TEX9: variants seen among roughly 807,000 people sequenced by gnomAD.
The protein encoded by TEX9 is testis-expressed protein 9.
TEX9 carries 74 observed loss-of-function variants against 59.6 expected under a neutral mutation model. The observed-to-expected ratio is 1.24, with a 90% CI of 1.03 to 1.51. TEX9 has a LOEUF of 1.51. TEX9 is among the 40% of genes most tolerant of loss of function. TEX9 has a pLI of 0.00. For synonymous variants in TEX9, 186 were observed against 152.2 expected (o/e 1.22, Z -1.64); for missense variants, 522 against 447.8 (o/e 1.17, Z -1.49).
chr15:56,283,759 TC>T (rs2044875241), intron 1 of TEX9, among the ~76,000 whole-genome samples: 1 of 151,880 alleles, frequency 6.6e-6, no homozygotes, highest in Non-Finnish European at 1.5e-5. Flanking sequence ...TACCCCCCCT[TC>T]AAAAAACCAT....
chr15:56,385,983 A>G (rs1233886688), intron 4 of TEX9, among the ~76,000 whole-genome samples: 1 of 152,094 alleles, frequency 6.6e-6, no homozygotes, highest in Non-Finnish European at 1.5e-5. Context: ...ATATCCACGA[A>G]AAAACCTGCA....
chr15:56,412,692 T>A (rs2049420117), intron 10 of TEX9, among the ~76,000 whole-genome samples: 2 of 152,156 alleles, frequency 1.3e-5, no homozygotes, highest in Admixed American at 6.6e-5. Flanking sequence ...GGTGCCCATA[T>A]TATATGTCAG....
intron 1 of TEX9, among the ~76,000 whole-genome samples, chr15:56,268,677 A>T (rs1472893496): frequency 6.7e-6 from 1 of 149,466 alleles, no homozygotes; most frequent in Admixed American, 6.7e-5. Flanking sequence ...GATGAAGCCA[A>T]CTTGATCTCG....
At position 56,247,612 on chromosome 15, in the gene TEX9, G is replaced by A. The variant is rs539274231; in HGVS notation, c.-107+3334G>A. Among the ~76,000 whole-genome samples, 8 of 152,240 alleles carry A rather than the reference G, an allele frequency of 5.3e-5. No homozygotes were observed. The South Asian group carries it at 6.2e-4, about 12-fold the overall frequency. ...GATCAGATCCTAAAGTAGTATAGGC[G>A]AGGGAAAAGAAGGAGAGAGAGACAA... On this transcript the variant is annotated intron_variant, in intron 1 of 5. Transcript: ENST00000560827.
chr15:56,431,766 A>T (rs1030909257), intron 12 of TEX9, among the ~76,000 whole-genome samples: 1 of 152,068 alleles, frequency 6.6e-6, no homozygotes, highest in Admixed American at 6.6e-5. Flanking sequence ...CAAGGGAAAA[A>T]ATATTCAAAG....
intron 1 of TEX9, among the ~76,000 whole-genome samples, chr15:56,304,412 A>G (rs1393258084): frequency 2.6e-5 from 4 of 152,164 alleles, no homozygotes. Context: ...TTGTTGAGGT[A>G]TCTTCATTCT....
intron 9 of TEX9, among the ~76,000 whole-genome samples, chr15:56,410,452 G>T (rs573045774): frequency 6.6e-6 from 1 of 150,986 alleles, no homozygotes; most frequent in East Asian, 1.9e-4. Context: ...TGTTAAATTT[G>T]ATTTTCTTAG....
chr15:56,438,092 C>A (rs2050759201), intron 12 of TEX9, among the ~76,000 whole-genome samples: 1 of 152,150 alleles, frequency 6.6e-6, no homozygotes, highest in Admixed American at 6.6e-5. Flanking sequence ...CAATGACTTT[C>A]TTCACAGAAT....
chr15:56,365,392 T>G, upstream of TEX9: 4 of 1,583,706 alleles, frequency 2.5e-6, no homozygotes, highest in Non-Finnish European at 3.4e-6. Context: ...AACCGGGATG[T>G]GGAAACTCTC....
chr15:56,340,966 G>C (rs1326846849), intron 1 of TEX9, among the ~76,000 whole-genome samples: 1 of 152,122 alleles, frequency 6.6e-6, no homozygotes, highest in Middle Eastern at 3.2e-3. Flanking sequence ...GGGGTTCAAT[G>C]TTCTGAAGTA....
chr15:56,394,479 T>C, intron 8 of TEX9, 182 bp from the exon 9 acceptor site: 1 of 625,664 alleles, frequency 1.6e-6, no homozygotes, highest in Non-Finnish European at 2.7e-6. Context: ...ACAAATGTAG[T>C]GTAAGCTATT....
chr15:56,283,425 C>T (rs771367041), intron 1 of TEX9, among the ~76,000 whole-genome samples: 1 of 151,874 alleles, frequency 6.6e-6, no homozygotes, highest in East Asian at 1.9e-4. Flanking sequence ...ACCTTTTATA[C>T]CTTTTGGTGC....
chr15:56,361,207 G>C (rs1418659133), upstream of TEX9, among the ~76,000 whole-genome samples: 1 of 152,046 alleles, frequency 6.6e-6, no homozygotes, highest in Non-Finnish European at 1.5e-5. Flanking sequence ...CCCTGTTTCA[G>C]TTCCATTGAT....
At chr15:56,260,953 T>C (rs1160724127) in intron 1 of TEX9, among the ~76,000 whole-genome samples, 1 of 151,918 alleles carries the variant, frequency 6.6e-6, no homozygotes, top group African/African-American at 2.4e-5. Context: ...TTTTCTTTTA[T>C]CAGTTTAGAT....
chr15:56,456,673 C>T, the TEX9 span: 1 of 838,762 alleles, frequency 1.2e-6, no homozygotes, highest in African/African-American at 1.8e-5. Flanking sequence ...TCAATAAATA[C>T]TTTTTCAAAA....
chr15:56,399,300 A>T (rs1406454298), intron 9 of TEX9, among the ~76,000 whole-genome samples: 1 of 152,244 alleles, frequency 6.6e-6, no homozygotes, highest in Non-Finnish European at 1.5e-5. Flanking sequence ...GCAGACAAGG[A>T]GATTCTCTCC....
chr15:56,455,529 A>G, the TEX9 span, among the ~76,000 whole-genome samples: 3 of 152,172 alleles, frequency 2.0e-5, no homozygotes, highest in African/African-American at 4.8e-5. Context: ...CTGCTCAATT[A>G]AGATAAAATG....
chr15:56,431,915 A>G (rs1467271474), intron 12 of TEX9, among the ~76,000 whole-genome samples: 1 of 152,036 alleles, frequency 6.6e-6, no homozygotes, highest in Admixed American at 6.6e-5. Flanking sequence ...ATATATATAT[A>G]AAGATGATAT....
chr15:56,434,140 T>A, intron 12 of TEX9: 1 of 1,607,506 alleles, frequency 6.2e-7, no homozygotes, highest in Non-Finnish European at 8.5e-7. Flanking sequence ...TTTCTTACTT[T>A]GTCTGCAAGG....
Sources: allele counts gnomAD v4.1 joint callset (sites outside exome capture counted in the v4.1 genomes callset), GRCh38; gene constraint gnomAD v4.1.1; transcripts MANE v1.5; gene names NCBI Gene and HGNC (gene_info 2026-07-23, HGNC 2026-07-21).